Variants in TMC1 observed in about 807,000 individuals in gnomAD.
TMC1 encodes the protein transmembrane channel-like protein 1.
In TMC1, 84 loss-of-function variants were observed where a neutral mutation model predicts 105.8. That is an observed-to-expected ratio of 0.79 (90% CI 0.67 to 0.95). The LOEUF is 0.95. TMC1 is among the 40% of genes least tolerant of loss of function. The pLI is 0.00. For synonymous variants in TMC1, 315 were observed against 311.5 expected, an observed-to-expected ratio of 1.01 and a Z score of -0.12; for missense variants, 817 against 914.1, an observed-to-expected ratio of 0.89 and a Z score of 1.37.
chr9:72,694,767 C>T lies in TMC1; in HGVS notation c.236+53C>T, dbSNP rs977662622. 1.2e-5 allele frequency: 18 copies of T among 1,543,474 alleles called. No individual in the cohort carries two copies. The South Asian group carries it at 1.8e-4, about 15-fold the overall frequency. ...AGTTCCAATGCTGAAGAAGATCACT[C>T]CTTTCAGATACTCTTTGACCTTAAA... is the stretch of plus-strand genomic sequence containing the variant. On this transcript the variant is annotated intron_variant, in intron 7 of 23. Coordinates refer to ENST00000297784, the MANE Select transcript of TMC1 (RefSeq NM_138691.3).
At chr9:72,764,546 G>T (rs1449858043) in intron 12 of TMC1, among the ~76,000 whole-genome samples, 1 of 152,142 alleles carries the variant, frequency 6.6e-6, no homozygotes, top group African/African-American at 2.4e-5. Context: ...TCCAGTTTCA[G>T]TGTCTCTCAG....
chr9:72,719,582 A>T (rs1002465066), intron 8 of TMC1, among the ~76,000 whole-genome samples: 3 of 152,104 alleles, frequency 2.0e-5, no homozygotes, highest in African/African-American at 7.2e-5. Context: ...GTTTCCTTCA[A>T]ATGGTCTGTG....
intron 2 of TMC1, among the ~76,000 whole-genome samples, chr9:72,604,356 AAAG>A (rs1180496443): frequency 3.3e-5 from 5 of 152,342 alleles, no homozygotes; most frequent in African/African-American, 1.2e-4. Flanking sequence ...AGCCAAACTG[AAAG>A]AAGATTATAT....
rs34700845 is a variant in TMC1 at position 72,587,160 on chromosome 9, CTT to C, written c.-306+9151_-306+9152del. On this transcript the variant is annotated intron_variant, in intron 2 of 23. Coordinates refer to ENST00000297784, the MANE Select transcript of TMC1 (RefSeq NM_138691.3). The stretch of plus-strand genomic sequence containing the variant: ...AGAAATCTGGTTATGTAACAGATAA[CTT>C]TTTTTTTTTTTTTGACATGGAGTTT... Among the ~76,000 whole-genome samples, 342 of 144,858 alleles carry C rather than the reference CTT, an allele frequency of 2.4e-3. 1 individual carries two copies. Among genetic ancestry groups the C allele is most frequent in the African/African-American group, 5.9e-3 (231 of 38,952 alleles).
chr9:72,609,635 CTT>C (rs1824990009), intron 2 of TMC1, among the ~76,000 whole-genome samples: 1 of 152,102 alleles, frequency 6.6e-6, no homozygotes, highest in Non-Finnish European at 1.5e-5. Flanking sequence ...TACCAAAACT[CTT>C]TTTAATAGGT....
intron 7 of TMC1, among the ~76,000 whole-genome samples, chr9:72,699,680 G>T (rs1370028253): frequency 6.6e-6 from 1 of 152,158 alleles, no homozygotes; most frequent in Non-Finnish European, 1.5e-5. Flanking sequence ...GCTTAGGGCG[G>T]GTGCGGTGGC....
At position 72,648,585 on chromosome 9, in the gene TMC1, T is replaced by C; in HGVS notation, c.-52-12T>C. On this transcript the variant is annotated splice_polypyrimidine_tract_variant and intron_variant, in intron 4 of 23. Coordinates refer to ENST00000297784, the MANE Select transcript of TMC1 (RefSeq NM_138691.3). ...AGATCAAACCTGAAATATTTGTTCC[T>C]TCATCCTGCAGTCCCTCTCCAAACT... 1.4e-6 allele frequency: 2 copies of C among 1,470,694 alleles called. No homozygotes were observed. Among genetic ancestry groups the C allele is most frequent in the Non-Finnish European group, 1.9e-6 (2 of 1,049,416 alleles). The allele number at this position is 1,470,694 out of a possible 1,614,324, so 91.1% of individuals were successfully genotyped here.
chr9:72,814,289 G>C (rs978555978), intron 18 of TMC1, among the ~76,000 whole-genome samples: 13 of 152,118 alleles, frequency 8.5e-5, no homozygotes, highest in African/African-American at 3.1e-4. Context: ...GGCTCCAGGG[G>C]AAAAGTGCTG....
intron 2 of TMC1, among the ~76,000 whole-genome samples, chr9:72,603,259 T>G (rs1664828834): frequency 6.6e-6 from 1 of 152,132 alleles, no homozygotes; most frequent in Non-Finnish European, 1.5e-5. Flanking sequence ...TACAACTTCA[T>G]GCCTGACCAC....
chr9:72,543,642 G>A (rs936060212), intron 1 of TMC1, among the ~76,000 whole-genome samples: 4 of 152,172 alleles, frequency 2.6e-5, no homozygotes, highest in African/African-American at 9.6e-5. Flanking sequence ...AATTAGCTGG[G>A]CATGGTGGTG....
chr9:72,778,942 G>A (rs1289463538), intron 13 of TMC1, among the ~76,000 whole-genome samples: 3 of 152,122 alleles, frequency 2.0e-5, no homozygotes, highest in South Asian at 2.1e-4. Context: ...TTGCCAACAC[G>A]CAGGTATGCA....
intron 4 of TMC1, among the ~76,000 whole-genome samples, chr9:72,642,964 G>A (rs7863193): frequency 0.56 from 85,247 of 151,978 alleles, 25,239 homozygotes; most frequent in African/African-American, 0.77. Context: ...CTTTTCAAGA[G>A]TGTCAAATAA....
At chr9:72,658,917 G>C (rs536467844) in intron 5 of TMC1, among the ~76,000 whole-genome samples, 131 of 152,294 alleles carry the variant, frequency 8.6e-4, no homozygotes, top group African/African-American at 3.0e-3. Flanking sequence ...ATTTTTCCAG[G>C]CAATAGCCAC....
At chr9:72,772,899 G>T (rs1172523585) in intron 13 of TMC1, among the ~76,000 whole-genome samples, 3 of 152,064 alleles carry the variant, frequency 2.0e-5, no homozygotes, top group African/African-American at 7.2e-5. Context: ...TCTCTTTTGC[G>T]TGCAGAGAGG....
chr9:72,722,837 T>C (rs1827051801), intron 8 of TMC1, among the ~76,000 whole-genome samples: 1 of 152,162 alleles, frequency 6.6e-6, no homozygotes, highest in Non-Finnish European at 1.5e-5. Flanking sequence ...GTGGTGTAAA[T>C]ACTTCCACTA....
intron 3 of TMC1, among the ~76,000 whole-genome samples, chr9:72,619,590 A>G (rs527924133): frequency 2.0e-5 from 3 of 152,158 alleles, no homozygotes; most frequent in South Asian, 2.1e-4. Context: ...TTATGTTCCA[A>G]TCTTCTACAG....
In TMC1 at chr9:72,602,366, ATTTTTTTTTTTT is replaced by A. The variant is rs66682329; in HGVS notation, c.-305-13987_-305-13976del. ...ACTTGCTGTGATTCTCCTATTGGTG[ATTTTTTTTTTTT>A]TTTTTTTTTTTTTTGAGACAGGGTC... On this transcript the variant is annotated intron_variant, in intron 2 of 23. Coordinates refer to ENST00000297784, the MANE Select transcript of TMC1 (RefSeq NM_138691.3). 2.3e-3 allele frequency among the ~76,000 whole-genome samples: 201 copies of A among 86,554 alleles called. 2 individuals are homozygous for A. The highest frequency in any genetic ancestry group is 1.6e-3 in the Admixed American group (11 of 6,810). 56.8% of individuals were successfully genotyped at this position (86,554 alleles called of 152,430 possible).
chr9:72,830,623 T>C lies in TMC1; in HGVS notation c.2209-8T>C. On this transcript the variant is annotated splice_region_variant and splice_polypyrimidine_tract_variant and intron_variant, in intron 22 of 23. Coordinates refer to ENST00000297784, the MANE Select transcript of TMC1 (RefSeq NM_138691.3). ...TCTACTTTTTTCCCCTTATTTTTTA[T>C]TGTGTAGCAAGCTTTGGAGAACAAA... 1.2e-6 allele frequency: 2 copies of C among 1,613,604 alleles called. No homozygotes were observed. The highest frequency in any genetic ancestry group is 1.7e-6 in the Non-Finnish European group (2 of 1,179,724).
At chr9:72,544,626 C>G (rs991778208) in intron 1 of TMC1, among the ~76,000 whole-genome samples, 2 of 151,386 alleles carry the variant, frequency 1.3e-5, no homozygotes, top group African/African-American at 4.9e-5. Flanking sequence ...ATTACAGGCA[C>G]CTGCCACCAC....
Sources: allele counts gnomAD v4.1 joint callset (sites outside exome capture counted in the v4.1 genomes callset), GRCh38; gene constraint gnomAD v4.1.1; transcripts MANE v1.5; gene names NCBI Gene and HGNC (gene_info 2026-07-23, HGNC 2026-07-21).